Variants in CLEC2B observed in about 807,000 individuals in gnomAD.
CLEC2B encodes the protein C-type (calcium dependent, carbohydrate-recognition domain) lectin, superfamily member 2 (activation-induced).
Under a neutral mutation model 16.2 loss-of-function variants are expected in CLEC2B, and 14 were observed. The observed-to-expected ratio is 0.86, with a 90% CI of 0.57 to 1.35. CLEC2B has a LOEUF of 1.35. Ranked by LOEUF, CLEC2B falls within the 40% of genes most tolerant of loss-of-function variation. The pLI is 0.00. For synonymous variants in CLEC2B, 42 were observed against 55.8 expected (o/e 0.75, Z 1.10); for missense variants, 166 against 182.3 (o/e 0.91, Z 0.52).
At chr12:9,860,361 C>T (rs1006613925) in intron 2 of CLEC2B, among the ~76,000 whole-genome samples, 1 of 151,500 alleles carries the variant, frequency 6.6e-6, no homozygotes, top group Non-Finnish European at 1.5e-5. Flanking sequence ...TTTTTATAGG[C>T]CAGCAAGAGA....
rs113031592 is a variant in CLEC2B, at chr12:9,863,677, G to A, written c.-2-1104C>T. ...TGCTGAACCGAAAATTTTATTAGCG[G>A]CTCTCAAAAGAGAATGGATCAAGAA... On this transcript the variant is annotated intron_variant, in intron 1 of 4. Coordinates refer to ENST00000228438, the MANE Select transcript of CLEC2B (RefSeq NM_005127.3). Among the ~76,000 whole-genome samples the A allele has an allele frequency of 2.0e-3, 309 of 152,240 alleles. 2 individuals carry two copies. Among genetic ancestry groups the A allele is most frequent in the African/African-American group, 6.4e-3 (268 of 41,552 alleles).
intron 2 of CLEC2B, 137 bp from the exon 3 acceptor site, chr12:9,857,774 T>C: frequency 1.5e-6 from 1 of 686,346 alleles, no homozygotes; most frequent in Non-Finnish European, 2.4e-6. Context: ...TATGATAAGT[T>C]GAAAAAATTT....
Sources: gnomAD v4.1 joint callset for allele counts (sites outside exome capture counted in the v4.1 genomes callset) on GRCh38, gnomAD v4.1.1 for gene constraint, MANE v1.5 for transcripts, NCBI Gene and HGNC (gene_info 2026-07-23, HGNC 2026-07-21) for gene names.